The following KLHL29 variants were observed in gnomAD, a reference collection of about 807,000 sequenced individuals.
KLHL29 encodes the protein kelch like family member 29, also known as kelch-like protein 29.
In KLHL29, 21 loss-of-function variants were observed where a neutral mutation model predicts 80.4. The ratio of observed to expected loss-of-function variants is 0.26; its 90% CI spans 0.19 to 0.38. The LOEUF (loss-of-function observed/expected upper bound fraction) is 0.38. Ranked by LOEUF, KLHL29 falls within the 10% of genes least tolerant of loss-of-function variation. KLHL29 has a pLI of 1.00. For synonymous variants in KLHL29, 511 were observed against 526.8 expected (o/e 0.97, Z 0.41); for missense variants, 867 against 1,223.9 (o/e 0.71, Z 4.35).
intron 3 of KLHL29, among the ~76,000 whole-genome samples, chr2:23,605,774 T>G (rs1405701177): frequency 2.2e-5 from 1 of 44,924 alleles, no homozygotes; most frequent in Non-Finnish European, 5.2e-5. Context: ...GGGAAAACCG[T>G]TTTTTTTTTT....
rs1176624284 is a variant in KLHL29, at chr2:23,582,555, T to G, written c.285+20074T>G. ...AGATTGTCCTGCCCCTCCAGGAACT[T>G]CACAAGATGCCAGTCATCTGGTTTA... On this transcript the variant is annotated intron_variant, in intron 3 of 13. Transcript: ENST00000486442. 3.9e-5 allele frequency among the ~76,000 whole-genome samples: 6 copies of G among 152,248 alleles called. No homozygotes were observed. The East Asian group carries it at 1.2e-3, about 29-fold the overall frequency.
chr2:23,403,586 T>G (rs1666645894), intron 1 of KLHL29, among the ~76,000 whole-genome samples: 1 of 152,014 alleles, frequency 6.6e-6, no homozygotes, highest in Non-Finnish European at 1.5e-5. Context: ...TACCTGTAAA[T>G]TACATGCAGC....
chr2:23,491,471 C>T (rs1162549216), intron 2 of KLHL29, among the ~76,000 whole-genome samples: 1 of 152,146 alleles, frequency 6.6e-6, no homozygotes, highest in Non-Finnish European at 1.5e-5. Context: ...CCCTGTGTGG[C>T]TTCAGATGCC....
intron 1 of KLHL29, among the ~76,000 whole-genome samples, chr2:23,439,932 T>C (rs1663463270): frequency 2.0e-5 from 3 of 151,640 alleles, no homozygotes. Context: ...CCCATTATTA[T>C]TGTGTGGGAG....
At chr2:23,678,419 G>A (rs570848119) in intron 5 of KLHL29, among the ~76,000 whole-genome samples, 88 of 152,246 alleles carry the variant, frequency 5.8e-4, no homozygotes, top group Non-Finnish European at 9.9e-4. Context: ...CTCACTCTCC[G>A]GGGACCCCTG....
intron 3 of KLHL29, among the ~76,000 whole-genome samples, chr2:23,599,681 A>G (rs72780369): frequency 0.013 from 1,938 of 152,322 alleles, 28 homozygotes; most frequent in Non-Finnish European, 0.017. Context: ...AAGAATTATA[A>G]ATGAAGATAT....
At chr2:23,598,704 T>C (rs951176757) in intron 3 of KLHL29, among the ~76,000 whole-genome samples, 6 of 152,230 alleles carry the variant, frequency 3.9e-5, no homozygotes, top group Admixed American at 6.5e-5. Flanking sequence ...GGGGAGGGCT[T>C]TAGCAGAGGC....
intron 2 of KLHL29, among the ~76,000 whole-genome samples, chr2:23,485,178 C>T (rs146386195): frequency 4.7e-4 from 72 of 152,292 alleles, no homozygotes; most frequent in African/African-American, 1.5e-3. Context: ...TCAGTTCCCA[C>T]GGCCTCTGGC....
intron 3 of KLHL29, among the ~76,000 whole-genome samples, chr2:23,634,154 T>C (rs1181977535): frequency 1.3e-5 from 2 of 151,720 alleles, no homozygotes; most frequent in Non-Finnish European, 2.9e-5. Flanking sequence ...TGACCCAGAG[T>C]GCGTGCTCAG....
intron 1 of KLHL29, among the ~76,000 whole-genome samples, chr2:23,389,669 C>T (rs755937445): frequency 3.8e-4 from 56 of 149,202 alleles, no homozygotes; most frequent in Non-Finnish European, 7.8e-4. Context: ...TACTGGGCAA[C>T]AGAGCAAGAC....
intron 5 of KLHL29, among the ~76,000 whole-genome samples, chr2:23,673,453 T>TCA (rs1433768207): frequency 1.3e-5 from 2 of 148,538 alleles, no homozygotes; most frequent in South Asian, 2.2e-4. Context: ...GCTGTCTCTC[T>TCA]CACACATACA....
At chr2:23,559,083 G>A (rs974340802) in intron 2 of KLHL29, among the ~76,000 whole-genome samples, 1 of 152,202 alleles carries the variant, frequency 6.6e-6, no homozygotes, top group African/African-American at 2.4e-5. Context: ...AAGAATTGGT[G>A]CCTGAATTGG....
intron 1 of KLHL29, among the ~76,000 whole-genome samples, chr2:23,418,942 G>A (rs79231422): frequency 0.1 from 15,880 of 152,054 alleles, 1,626 homozygotes; most frequent in East Asian, 0.29. Context: ...GGTGCCAGAT[G>A]GCACTTTCCA....
rs112245428 is a variant in KLHL29, at chr2:23,417,198, C to T, written c.-154+31418C>T. ...CTCCATCCTCTCTTAAGGGATTTGA[C>T]AGCAACCTTTTAACTCATCTCCTGG... On this transcript the variant is annotated intron_variant, in intron 1 of 13. Coordinates refer to ENST00000486442, the MANE Select transcript of KLHL29 (RefSeq NM_052920.2). 4.1e-3 allele frequency among the ~76,000 whole-genome samples: 624 copies of T among 152,252 alleles called. 3 individuals carry two copies. The highest frequency in any genetic ancestry group is 0.014 in the African/African-American group (593 of 41,532).
At chr2:23,625,649 C>T (rs1669290025) in intron 3 of KLHL29, among the ~76,000 whole-genome samples, 1 of 152,238 alleles carries the variant, frequency 6.6e-6, no homozygotes, top group Non-Finnish European at 1.5e-5. Context: ...GCGGATCGAT[C>T]TCCACTCGGT....
intron 1 of KLHL29, among the ~76,000 whole-genome samples, chr2:23,401,156 G>A (rs1241640666): frequency 2.0e-5 from 3 of 152,204 alleles, no homozygotes; most frequent in African/African-American, 7.2e-5. Flanking sequence ...CAAGTTGAGA[G>A]TGTGTGGGTG....
Position 23,395,276 on chromosome 2 carries a change from G to A in KLHL29, c.-154+9496G>A, listed in dbSNP as rs543172513. Among the ~76,000 whole-genome samples, 9 of 152,306 alleles carry A rather than the reference G, an allele frequency of 5.9e-5. No individual in the cohort carries two copies. The South Asian group carries it at 1.9e-3, about 32-fold the overall frequency. On this transcript the variant is annotated intron_variant, in intron 1 of 13. Transcript: ENST00000486442. ...GAATGCTGCTGTGGCCGTGACCCAT[G>A]GGTCCACTGGGTTCTGCCTAACCAC...
At chr2:23,621,628 G>C (rs1295196212) in intron 3 of KLHL29, among the ~76,000 whole-genome samples, 1 of 152,114 alleles carries the variant, frequency 6.6e-6, no homozygotes, top group African/African-American at 2.4e-5. Context: ...AATGCAGACT[G>C]GAGAGAATGG....
chr2:23,686,742 G>C (rs755757999), intron 6 of KLHL29, among the ~76,000 whole-genome samples: 5 of 152,158 alleles, frequency 3.3e-5, no homozygotes, highest in African/African-American at 1.2e-4. Flanking sequence ...CCTGTAGGCA[G>C]CCAGGTGCAT....
Sources: gnomAD v4.1 joint callset for allele counts (sites outside exome capture counted in the v4.1 genomes callset) on GRCh38, gnomAD v4.1.1 for gene constraint, MANE v1.5 for transcripts, NCBI Gene and HGNC (gene_info 2026-07-23, HGNC 2026-07-21) for gene names.